Variants in CCNH observed in about 807,000 individuals in gnomAD.
The protein encoded by CCNH is cyclin-H.
In CCNH, 31 loss-of-function variants were observed where a neutral mutation model predicts 41.9. That is an observed-to-expected ratio of 0.74 (90% confidence interval 0.56 to 1.00). CCNH has a LOEUF of 1.00. Among genes scored for constraint, CCNH ranks in the 50% least tolerant of loss-of-function variants. The probability of loss-of-function intolerance (pLI) is 0.00; values close to 1 mark genes in which losing one functional copy is unlikely to be tolerated. For missense variants in CCNH, 362 were observed against 388.4 expected, an observed-to-expected ratio of 0.93 and a Z score of 0.57; for synonymous variants, 138 against 136.1, an observed-to-expected ratio of 1.01 and a Z score of -0.10.
intron 9 of CCNH, among the ~76,000 whole-genome samples, chr5:87,367,458 C>T (rs12514477): frequency 2.2e-4 from 34 of 152,290 alleles, no homozygotes; most frequent in Admixed American, 1.5e-3. Flanking sequence ...GTGATTAGTG[C>T]GCATGCTCAG....
At chr5:87,406,260 AC>A (rs1248387527) in intron 4 of CCNH, among the ~76,000 whole-genome samples, 1 of 151,644 alleles carries the variant, frequency 6.6e-6, no homozygotes, top group Non-Finnish European at 1.5e-5. Flanking sequence ...TCCCATGCCA[AC>A]CCCCTTCCAT....
At chr5:87,410,964 ATTTAT>A (rs1256462281) in intron 2 of CCNH, among the ~76,000 whole-genome samples, 1 of 152,160 alleles carries the variant, frequency 6.6e-6, no homozygotes, top group Non-Finnish European at 1.5e-5. Context: ...GAGGAAAGTA[ATTTAT>A]TTTTTTTCTT....
downstream of CCNH, among the ~76,000 whole-genome samples, chr5:87,387,222 T>G (rs1762121655): frequency 6.6e-6 from 1 of 152,106 alleles, no homozygotes; most frequent in Admixed American, 6.6e-5. Flanking sequence ...TTCTGTTGCC[T>G]CCTTAGCTTT....
At chr5:87,395,947 C>T (rs1420676373) in intron 7 of CCNH, among the ~76,000 whole-genome samples, 1 of 151,744 alleles carries the variant, frequency 6.6e-6, no homozygotes, top group South Asian at 2.1e-4. Flanking sequence ...TAGAATATAT[C>T]ATATATAAAT....
Position 87,409,332 on chromosome 5 carries a change from T to C in CCNH, c.272A>G (p.Tyr91Cys). The C allele has an allele frequency of 6.4e-7, 1 of 1,569,160 alleles. No homozygotes were observed. The highest frequency in any genetic ancestry group is 8.8e-7 in the Non-Finnish European group (1 of 1,142,372). The change falls in exon 3 of 9, where the codon TAT (tyrosine) becomes TGT (cysteine). Residue 91 changes from tyrosine (Y) to cysteine (C), a missense_variant. Physicochemically the swap from Tyr to Cys is radical, Grantham distance 194 (BLOSUM62 -2). Coordinates refer to ENST00000256897, the MANE Select transcript of CCNH (RefSeq NM_001239.4). Reference sequence around the variant, plus strand: ...ATATTCCATTACTGAGTTATTAAGATAAAAACGTTTGAAATACATACAAGC... The same window carrying C: ...ATATTCCATTACTGAGTTATTAAGACAAAAACGTTTGAAATACATACAAGC... ...GTACMYFKRF[Y>C]LNNSVMEYHP...
At chr5:87,376,755 TA>T in exon 1 of CCNH, 1 of 1,223,364 alleles carries the variant, frequency 8.2e-7, no homozygotes, top group Non-Finnish European at 1.1e-6. Flanking sequence ...CTATTTTAAA[TA>T]AATTTATTCA....
At chr5:87,376,845 A>G (rs1016315238) in exon 1 of CCNH, 13 of 1,544,582 alleles carry the variant, frequency 8.4e-6, no homozygotes, top group Non-Finnish European at 1.2e-5. Flanking sequence ...TTATAATGCT[A>G]CGTACTTTAA....
chr5:87,405,259 T>C lies in CCNH; in HGVS notation c.526-252A>G, dbSNP rs3093807. 3.9e-5 allele frequency among the ~76,000 whole-genome samples: 6 copies of C among 152,150 alleles called. No individual in the cohort carries two copies. In the South Asian group the frequency reaches 6.2e-4, roughly 16 times the overall value. ...CTAAAGTAGGGCCAAGAAATACATA[T>C]TCCCAGGTAAATGCTTCTCTCAGGC... On this transcript the variant is annotated intron_variant, in intron 4 of 8. Coordinates refer to ENST00000256897, the MANE Select transcript of CCNH (RefSeq NM_001239.4).
In CCNH at chr5:87,412,686, T is replaced by C; in HGVS notation, c.109A>G (p.Asn37Asp). 6.2e-7 allele frequency: 1 copy of C among 1,614,082 alleles called. No individual in the cohort carries two copies. The highest frequency in any genetic ancestry group is 8.5e-7 in the Non-Finnish European group (1 of 1,179,952). The change falls in exon 1 of 9, where the codon AAC becomes GAC. Residue 37 changes from asparagine to aspartate, a missense_variant. Transcript: ENST00000256897. ...NRKFRCKAVANGKVLPNDPVF... is the reference protein window; with the variant it reads ...NRKFRCKAVADGKVLPNDPVF... ...CGTTGGGAAAACCTCACCTTCCCGT[T>C]GGCCACGGCTTTGCATCTGAATTTG...
chr5:87,359,842 A>G (rs1759937845), intron 9 of CCNH, among the ~76,000 whole-genome samples: 1 of 152,130 alleles, frequency 6.6e-6, no homozygotes, highest in African/African-American at 2.4e-5. Context: ...AGCGTACCCA[A>G]ATTTTTGTTC....
chr5:87,315,863 A>C (rs1418685884), downstream of CCNH, among the ~76,000 whole-genome samples: 3 of 152,202 alleles, frequency 2.0e-5, no homozygotes, highest in Non-Finnish European at 2.9e-5. Context: ...CAGGTTTAAA[A>C]AGTTTAATTT....
intron 9 of CCNH, chr5:87,338,144 T>G: frequency 6.2e-7 from 1 of 1,606,502 alleles, no homozygotes; most frequent in Admixed American, 1.7e-5. Flanking sequence ...TTTATAAATT[T>G]GGATCTTGTC....
At chr5:87,323,874 G>C (rs1757012010) in intron 9 of CCNH, among the ~76,000 whole-genome samples, 1 of 152,098 alleles carries the variant, frequency 6.6e-6, no homozygotes, top group Non-Finnish European at 1.5e-5. Context: ...TTCTAAGACT[G>C]AGACAGGTAT....
At chr5:87,327,049 C>T (rs1367574249) in intron 9 of CCNH, among the ~76,000 whole-genome samples, 1 of 152,098 alleles carries the variant, frequency 6.6e-6, no homozygotes, top group Non-Finnish European at 1.5e-5. Context: ...TTTGAGTATC[C>T]TCTACTCCCC....
chr5:87,347,122 T>C (rs550753466), intron 9 of CCNH, among the ~76,000 whole-genome samples: 44 of 152,152 alleles, frequency 2.9e-4, no homozygotes, highest in Admixed American at 1.0e-3. Flanking sequence ...ATAAAAACTT[T>C]CATTACTCTC....
upstream of CCNH, chr5:87,380,473 GCTTT>G (rs1192240645): frequency 2.6e-6 from 4 of 1,544,824 alleles, no homozygotes; most frequent in African/African-American, 4.1e-5. Flanking sequence ...GTTTTCACTT[GCTTT>G]CTGTGTTGAG....
chr5:87,389,955 A>G (rs1406199870), downstream of CCNH, among the ~76,000 whole-genome samples: 1 of 152,190 alleles, frequency 6.6e-6, no homozygotes, highest in Non-Finnish European at 1.5e-5. Context: ...CAAATTTCAC[A>G]TCCAGAGGTT....
At chr5:87,378,346 CATT>C (rs1160949861), upstream of CCNH, 1 of 1,596,116 alleles carries the variant, frequency 6.3e-7, no homozygotes, top group African/African-American at 1.3e-5. Flanking sequence ...AATTTGGTCA[CATT>C]AGGTCAGTCC....
chr5:87,365,498 C>G (rs1192276472), intron 9 of CCNH, among the ~76,000 whole-genome samples: 5 of 151,994 alleles, frequency 3.3e-5, no homozygotes, highest in African/African-American at 1.2e-4. Flanking sequence ...TTGTTTCTTA[C>G]CTTTTTTCGA....
Sources: gnomAD v4.1 joint callset for allele counts (sites outside exome capture counted in the v4.1 genomes callset) on GRCh38, gnomAD v4.1.1 for gene constraint, MANE v1.5 for transcripts, NCBI Gene and HGNC (gene_info 2026-07-23, HGNC 2026-07-21) for gene names.